ZFAT: variants seen among roughly 807,000 people sequenced by gnomAD.
The protein encoded by ZFAT is zinc finger and AT-hook domain containing.
A neutral mutation model predicts 117.7 loss-of-function variants in ZFAT; 64 were observed. The ratio of observed to expected loss-of-function variants is 0.54; its 90% confidence interval spans 0.44 to 0.67. ZFAT has a LOEUF of 0.67. Ranked by LOEUF, ZFAT falls within the 30% of genes least tolerant of loss-of-function variation. The pLI is 0.00. For missense variants in ZFAT, 1,433 were observed against 1,584.5 expected (o/e 0.90, Z 1.62); for synonymous variants, 679 against 615.0 (o/e 1.10, Z -1.54).
At chr8:134,513,215 T>G (rs1231703265) in intron 13 of ZFAT, among the ~76,000 whole-genome samples, 8 of 142,810 alleles carry the variant, frequency 5.6e-5, no homozygotes, top group African/African-American at 2.1e-4. Flanking sequence ...TTTTTTTTTT[T>G]GAGACAGAGT....
intron 1 of ZFAT, among the ~76,000 whole-genome samples, chr8:134,707,800 G>A (rs1255319553): frequency 5.3e-5 from 8 of 152,186 alleles, no homozygotes; most frequent in Non-Finnish European, 1.0e-4. Flanking sequence ...AAAGGCATCC[G>A]ATTCCAGAGT....
At chr8:134,685,566 T>G (rs1833279438) in intron 1 of ZFAT, among the ~76,000 whole-genome samples, 1 of 152,130 alleles carries the variant, frequency 6.6e-6, no homozygotes, top group South Asian at 2.1e-4. Context: ...CAGATATAAG[T>G]GATACCAACC....
chr8:134,769,087 C>A, the ZFAT span, among the ~76,000 whole-genome samples: 6 of 152,180 alleles, frequency 3.9e-5, 2 homozygotes, highest in South Asian at 1.0e-3. Context: ...GCAGGAGAAT[C>A]GCTTGAACCC....
At chr8:134,779,271 G>A in the ZFAT span, among the ~76,000 whole-genome samples, 2 of 152,108 alleles carry the variant, frequency 1.3e-5, no homozygotes, top group East Asian at 3.8e-4. Context: ...TTTAGATCAT[G>A]AAAAAACTGC....
chr8:134,623,969 T>C (rs1473582559), intron 3 of ZFAT, among the ~76,000 whole-genome samples: 1 of 151,978 alleles, frequency 6.6e-6, no homozygotes, highest in Admixed American at 6.6e-5. Context: ...TATCTCAGAG[T>C]GTCAGAGTCA....
chr8:134,745,951 T>C, the ZFAT span, among the ~76,000 whole-genome samples: 1 of 152,224 alleles, frequency 6.6e-6, no homozygotes, highest in Non-Finnish European at 1.5e-5. Context: ...TTACCATTTA[T>C]GAGGCAGTTT....
intron 11 of ZFAT, among the ~76,000 whole-genome samples, chr8:134,535,161 G>A (rs950544147): frequency 5.9e-5 from 9 of 152,180 alleles, no homozygotes; most frequent in African/African-American, 2.2e-4. Context: ...TCTCTCTAAG[G>A]TGCTGGTCTT....
Position 134,653,228 on chromosome 8 carries a change from C to T in ZFAT, c.196+4333G>A, listed in dbSNP as rs150308085. 3.1e-3 allele frequency among the ~76,000 whole-genome samples: 371 copies of T among 117,804 alleles called. 2 individuals carry two copies. The highest frequency in any genetic ancestry group is 0.011 in the Middle Eastern group (2 of 174). The allele number at this position is 117,804 out of a possible 152,430, so 77.3% of individuals were successfully genotyped here. On this transcript the variant is annotated intron_variant, in intron 2 of 15. Coordinates refer to ENST00000377838, the MANE Select transcript of ZFAT (RefSeq NM_020863.4). ...TACATGTGCACAACGTGCAGGTTTG[C>T]TACAAATAGCAAAGACTTGGAACCA...
At chr8:134,735,425 A>C in the ZFAT span, among the ~76,000 whole-genome samples, 3 of 152,244 alleles carry the variant, frequency 2.0e-5, no homozygotes, top group Non-Finnish European at 4.4e-5. Flanking sequence ...TCCTATGTCC[A>C]ATCAAATGAA....
At chr8:134,785,775 G>GT in the ZFAT span, 1 of 133,456 alleles carries the variant, frequency 7.5e-6, no homozygotes, top group Middle Eastern at 3.6e-3. Context: ...TATTTTTCCT[G>GT]TTTAAAAAAA....
rs2131273113 is a variant in ZFAT, at chr8:134,673,998, G to A, written c.20-16261C>T. Among the ~76,000 whole-genome samples, 4 of 152,344 alleles carry A rather than the reference G, an allele frequency of 2.6e-5. 1 individual carries two copies. Among genetic ancestry groups the A allele is most frequent in the Admixed American group, 2.6e-4 (4 of 15,310 alleles). On this transcript the variant is annotated intron_variant, in intron 1 of 15. Transcript: ENST00000377838. ...CTGGCAAGATGGCCGAATAGGAACA[G>A]CTTTGGTCTGCAGCTCCCAGTGAGA...
At chr8:134,489,086 A>T (rs1298966860) in intron 15 of ZFAT, among the ~76,000 whole-genome samples, 1 of 151,834 alleles carries the variant, frequency 6.6e-6, no homozygotes, top group Admixed American at 6.6e-5. Context: ...GAAGGATCTT[A>T]TAGGAATTTT....
At chr8:134,812,938 G>C in the ZFAT span, among the ~76,000 whole-genome samples, 1 of 152,180 alleles carries the variant, frequency 6.6e-6, no homozygotes. Context: ...AATGTACCCA[G>C]AGTCACAAGA....
At chr8:134,486,384 T>C (rs909938979) in intron 15 of ZFAT, among the ~76,000 whole-genome samples, 2 of 152,204 alleles carry the variant, frequency 1.3e-5, no homozygotes, top group African/African-American at 4.8e-5. Context: ...CCGACACCTC[T>C]GTCACCGTCG....
intron 5 of ZFAT, among the ~76,000 whole-genome samples, chr8:134,606,371 T>C (rs529776996): frequency 1.3e-5 from 2 of 152,334 alleles, no homozygotes; most frequent in East Asian, 3.9e-4. Flanking sequence ...AAGCAAAATG[T>C]TTGTGATTCA....
chr8:134,636,650 C>G (rs1443710815), intron 3 of ZFAT, among the ~76,000 whole-genome samples: 2 of 152,190 alleles, frequency 1.3e-5, no homozygotes, highest in African/African-American at 4.8e-5. Flanking sequence ...AGAACTTAAA[C>G]ATGGGGTACA....
chr8:134,783,286 G>A, the ZFAT span, among the ~76,000 whole-genome samples: 264 of 152,230 alleles, frequency 1.7e-3, no homozygotes, highest in Non-Finnish European at 3.1e-3. Context: ...GTCCATGCCC[G>A]TTAGGAATCA....
rs9657444 is a variant in ZFAT at position 134,691,918 on chromosome 8, C to G, written c.19+20927G>C. The stretch of plus-strand genomic sequence containing the variant: ...TTTCCAGAGTGTTCACTTAAGAAAC[C>G]CTGAGAATAATCTGAACTAACTGAA... On this transcript the variant is annotated intron_variant, in intron 1 of 15. Coordinates refer to ENST00000377838, the MANE Select transcript of ZFAT (RefSeq NM_020863.4). 7.8e-3 allele frequency among the ~76,000 whole-genome samples: 1,194 copies of G among 152,258 alleles called. 7 individuals are homozygous for G. Among genetic ancestry groups the G allele is most frequent in the African/African-American group, 0.023 (957 of 41,548 alleles).
chr8:134,758,716 C>T, the ZFAT span, among the ~76,000 whole-genome samples: 1 of 152,224 alleles, frequency 6.6e-6, no homozygotes, highest in Non-Finnish European at 1.5e-5. Flanking sequence ...TCTTATATCT[C>T]ATTGGCCAGG....
Sources: gnomAD v4.1 joint callset for allele counts (sites outside exome capture counted in the v4.1 genomes callset) on GRCh38, gnomAD v4.1.1 for gene constraint, MANE v1.5 for transcripts, NCBI Gene and HGNC (gene_info 2026-07-23, HGNC 2026-07-21) for gene names.